Variants in KCNIP4 observed in about 807,000 individuals in gnomAD.
KCNIP4 encodes potassium voltage-gated channel interacting protein 4, also known as Kv channel-interacting protein 4.
KCNIP4 carries 12 observed loss-of-function variants against 34.0 expected under a neutral mutation model. That is an observed-to-expected ratio of 0.35 (90% CI 0.23 to 0.57). The LOEUF (loss-of-function observed/expected upper bound fraction) is 0.57. Ranked by LOEUF, KCNIP4 falls within the 20% of genes least tolerant of loss-of-function variation. The probability of loss-of-function intolerance (pLI) is 0.83; values close to 1 mark genes in which losing one functional copy is unlikely to be tolerated. For synonymous variants in KCNIP4, 124 were observed against 102.2 expected, an observed-to-expected ratio of 1.21 and a Z score of -1.29; for missense variants, 238 against 311.7, an observed-to-expected ratio of 0.76 and a Z score of 1.78.
intron 1 of KCNIP4, among the ~76,000 whole-genome samples, chr4:20,895,902 T>C (rs1560550572): frequency 6.6e-6 from 1 of 152,246 alleles, no homozygotes; most frequent in East Asian, 1.9e-4. Context: ...GAAAATATGA[T>C]GCCAGATAGG....
intron 1 of KCNIP4, among the ~76,000 whole-genome samples, chr4:21,785,619 T>TAAATAAAATAAAATA (rs1560712838): frequency 1.6e-5 from 2 of 122,468 alleles, no homozygotes; most frequent in African/African-American, 9.3e-5. Flanking sequence ...ATAAATAAAA[T>TAAATAAAATAAAATA]AAAAAAATAA....
intron 1 of KCNIP4, among the ~76,000 whole-genome samples, chr4:21,139,906 A>T (rs991222650): frequency 6.6e-6 from 1 of 152,146 alleles, no homozygotes; most frequent in Non-Finnish European, 1.5e-5. Flanking sequence ...TCCCTCAGCC[A>T]CGTTTAATGA....
Position 21,033,695 on chromosome 4 carries a change from C to G in KCNIP4, c.62-150986G>C, listed in dbSNP as rs151263745. ...AAATTTACTGAATGAATGATTGAGG[C>G]CATGATTATAGACACTCTCTATATA... On this transcript the variant is annotated intron_variant, in intron 1 of 8. Transcript: ENST00000382152. Among the ~76,000 whole-genome samples, 9 of 152,130 alleles carry G rather than the reference C, an allele frequency of 5.9e-5. No homozygotes were observed. In the East Asian group the frequency reaches 1.7e-3, roughly 29 times the overall value.
chr4:21,291,888 A>C, intron 1 of KCNIP4, among the ~76,000 whole-genome samples: 1 of 43,210 alleles, frequency 2.3e-5, no homozygotes, highest in Non-Finnish European at 4.0e-5. Context: ...AGAAAGAAAG[A>C]AAGAAAGAAA....
chr4:21,452,693 A>G (rs73249589), intron 1 of KCNIP4, among the ~76,000 whole-genome samples: 11,758 of 151,696 alleles, frequency 0.078, 549 homozygotes, highest in East Asian at 0.15. Context: ...CTATTATACT[A>G]TTATTTGTCC....
At chr4:21,826,756 T>C (rs1017963074) in intron 1 of KCNIP4, among the ~76,000 whole-genome samples, 2 of 152,140 alleles carry the variant, frequency 1.3e-5, no homozygotes, top group Non-Finnish European at 2.9e-5. Flanking sequence ...TAGCAAAATA[T>C]ATTTTATTCC....
intron 1 of KCNIP4, among the ~76,000 whole-genome samples, chr4:21,463,912 C>G (rs2109783554): frequency 6.6e-6 from 1 of 152,106 alleles, no homozygotes; most frequent in East Asian, 1.9e-4. Flanking sequence ...TTCAGATTTT[C>G]TATTTCACTT....
At chr4:21,459,826 A>G (rs1055609664) in intron 1 of KCNIP4, among the ~76,000 whole-genome samples, 32 of 151,970 alleles carry the variant, frequency 2.1e-4, no homozygotes, top group African/African-American at 7.7e-4. Flanking sequence ...AGTTTTCAGC[A>G]TATTCAGAAT....
At chr4:21,724,629 G>A (rs1847425) in intron 1 of KCNIP4, among the ~76,000 whole-genome samples, 56,679 of 150,472 alleles carry the variant, frequency 0.38, 12,155 homozygotes, top group East Asian at 0.67. Flanking sequence ...AAAAAATACC[G>A]TATTTCCCTC....
chr4:21,319,215 G>T (rs1714119717), intron 1 of KCNIP4, among the ~76,000 whole-genome samples: 1 of 152,188 alleles, frequency 6.6e-6, no homozygotes, highest in Non-Finnish European at 1.5e-5. Context: ...ACCAGGCATG[G>T]CTTGATCATG....
chr4:21,146,979 G>A lies in KCNIP4; in HGVS notation c.62-264270C>T, dbSNP rs1316565356. ...TGTGTATGTATATGTATATATATGT[G>A]GGGGGCATATATTTATATATATTTA... On this transcript the variant is annotated intron_variant, in intron 1 of 8. Transcript: ENST00000382152. 2.0e-5 allele frequency among the ~76,000 whole-genome samples: 3 copies of A among 151,916 alleles called. No homozygotes were observed. The East Asian group carries it at 5.8e-4, about 29-fold the overall frequency.
intron 1 of KCNIP4, among the ~76,000 whole-genome samples, chr4:21,658,729 C>A (rs1191408454): frequency 1.3e-5 from 2 of 152,126 alleles, no homozygotes; most frequent in African/African-American, 4.8e-5. Context: ...TAATACAACA[C>A]ACTTTGGTTT....
At chr4:21,338,264 C>CAAAAAAAA (rs869150288) in intron 1 of KCNIP4, among the ~76,000 whole-genome samples, 1 of 50,008 alleles carries the variant, frequency 2.0e-5, no homozygotes, top group Non-Finnish European at 3.9e-5. Context: ...GACTCCTTCT[C>CAAAAAAAA]AAAAAAAAAA....
At chr4:21,263,796 G>C (rs1280986723) in intron 1 of KCNIP4, among the ~76,000 whole-genome samples, 2 of 152,052 alleles carry the variant, frequency 1.3e-5, no homozygotes, top group African/African-American at 4.8e-5. Context: ...TCTGGGACTA[G>C]AGGCATGCAC....
chr4:21,154,114 G>C (rs776653829), intron 1 of KCNIP4, among the ~76,000 whole-genome samples: 2 of 152,036 alleles, frequency 1.3e-5, no homozygotes, highest in Non-Finnish European at 2.9e-5. Context: ...CAATCAAGTT[G>C]TTTGCCCTTA....
At chr4:21,712,961 C>T (rs983505307) in intron 1 of KCNIP4, among the ~76,000 whole-genome samples, 1 of 152,072 alleles carries the variant, frequency 6.6e-6, no homozygotes, top group Non-Finnish European at 1.5e-5. Flanking sequence ...CTTTCTGTTC[C>T]ATCTTCTTTC....
chr4:21,590,405 A>G (rs1004518254), intron 1 of KCNIP4, among the ~76,000 whole-genome samples: 6 of 151,954 alleles, frequency 3.9e-5, no homozygotes, highest in Non-Finnish European at 8.8e-5. Flanking sequence ...AAAGAGTATG[A>G]ATAATCTCAA....
At chr4:20,880,866 G>C (rs1724607172) in intron 2 of KCNIP4, among the ~76,000 whole-genome samples, 1 of 152,140 alleles carries the variant, frequency 6.6e-6, no homozygotes, top group Admixed American at 6.5e-5. Flanking sequence ...CCAGGTTGCT[G>C]ATGATGTTAT....
At chr4:21,591,650 C>G (rs1425214445) in intron 1 of KCNIP4, among the ~76,000 whole-genome samples, 7 of 151,852 alleles carry the variant, frequency 4.6e-5, no homozygotes, top group Non-Finnish European at 7.4e-5. Flanking sequence ...TTACTGGTGA[C>G]TTCAGTAATT....
Sources: allele counts gnomAD v4.1 joint callset (sites outside exome capture counted in the v4.1 genomes callset), GRCh38; gene constraint gnomAD v4.1.1; transcripts MANE v1.5; gene names NCBI Gene and HGNC (gene_info 2026-07-23, HGNC 2026-07-21).